Variants in HECW1 observed in about 807,000 individuals in gnomAD.
HECW1 encodes HECT, C2 and WW domain containing E3 ubiquitin protein ligase 1, also known as E3 ubiquitin-protein ligase HECW1.
In HECW1, 61 loss-of-function variants were observed where a neutral mutation model predicts 182.3. The ratio of observed to expected loss-of-function variants is 0.33; its 90% CI spans 0.27 to 0.41. HECW1 has a LOEUF of 0.41. HECW1 is among the 10% of genes least tolerant of loss of function. HECW1 has a pLI of 1.00. For synonymous variants in HECW1, 859 were observed against 832.6 expected, an observed-to-expected ratio of 1.03 and a Z score of -0.55; for missense variants, 1,739 against 2,108.9, an observed-to-expected ratio of 0.82 and a Z score of 3.44.
chr7:43,305,125 C>T (rs1338764657), intron 3 of HECW1, among the ~76,000 whole-genome samples: 5 of 152,284 alleles, frequency 3.3e-5, no homozygotes, highest in South Asian at 2.1e-4. Context: ...ACAGCACAGT[C>T]GCTCAGTCCC....
chr7:43,251,178 G>A lies in HECW1; in HGVS notation c.27+7246G>A, dbSNP rs565016409. On this transcript the variant is annotated intron_variant, in intron 3 of 29. Coordinates refer to ENST00000395891, the MANE Select transcript of HECW1 (RefSeq NM_015052.5). ...GGGTGGTGAAGGTGCCAAGCTATCA[G>A]AGTCCCAGGCCAAGTCACAGAAGCT... 1.3e-3 allele frequency among the ~76,000 whole-genome samples: 197 copies of A among 152,340 alleles called. 7 individuals carry two copies. The South Asian group carries it at 0.039, about 30-fold the overall frequency.
intron 3 of HECW1, chr7:43,249,564 T>C (rs1234856078): frequency 1.3e-5 from 2 of 152,246 alleles, no homozygotes; most frequent in Non-Finnish European, 2.9e-5. Context: ...TATTTCTGTC[T>C]AGAAAAGGAG....
At position 43,562,657 on chromosome 7, in the gene HECW1, G is replaced by A. The variant is rs2082239821; in HGVS notation, c.*731G>A. Reference sequence around the variant, plus strand: ...GGATTGTGGGCTCAACTCAAGAGAAGTTTAGGAGGGGGAGCATCCCTAGTG... The same window carrying A: ...GGATTGTGGGCTCAACTCAAGAGAAATTTAGGAGGGGGAGCATCCCTAGTG... On this transcript the variant is annotated 3_prime_UTR_variant, in exon 30 of 30. Coordinates refer to ENST00000395891, the MANE Select transcript of HECW1 (RefSeq NM_015052.5). 1 of 225,938 alleles carries A rather than the reference G, an allele frequency of 4.4e-6. No homozygotes were observed. Among genetic ancestry groups the A allele is most frequent in the Admixed American group, 5.7e-5 (1 of 17,500 alleles). 14.0% of individuals were successfully genotyped at this position (225,938 alleles called of 1,614,324 possible). A position where few individuals can be genotyped will look rare whatever the true frequency, so the allele number is the denominator to read the frequency against.
chr7:43,182,529 C>T (rs140008624), intron 2 of HECW1, among the ~76,000 whole-genome samples: 147 of 152,324 alleles, frequency 9.7e-4, no homozygotes, highest in African/African-American at 3.5e-3. Context: ...GTTTTTATGC[C>T]AGTACCATGC....
intron 27 of HECW1, among the ~76,000 whole-genome samples, chr7:43,551,298 C>T (rs2081817257): frequency 6.6e-6 from 1 of 152,030 alleles, no homozygotes; most frequent in Non-Finnish European, 1.5e-5. Flanking sequence ...ACAAGTCTTC[C>T]CAGATCTCTA....
chr7:43,155,492 A>G (rs1227133463), intron 2 of HECW1, among the ~76,000 whole-genome samples: 1 of 152,222 alleles, frequency 6.6e-6, no homozygotes, highest in Non-Finnish European at 1.5e-5. Context: ...TCTTATAAGG[A>G]AATTGAGTTT....
intron 13 of HECW1, among the ~76,000 whole-genome samples, chr7:43,457,061 GT>G (rs1181679458): frequency 1.3e-5 from 2 of 152,290 alleles, no homozygotes; most frequent in East Asian, 3.9e-4. Context: ...GAATTATTTT[GT>G]TGAAAAACTA....
At chr7:43,447,864 G>A (rs900086357) in intron 11 of HECW1, among the ~76,000 whole-genome samples, 2 of 152,128 alleles carry the variant, frequency 1.3e-5, no homozygotes, top group Non-Finnish European at 2.9e-5. Flanking sequence ...GTGGGCTCAC[G>A]CCTGTAATCC....
At chr7:43,535,715 A>T (rs1374586510) in intron 24 of HECW1, among the ~76,000 whole-genome samples, 1 of 152,230 alleles carries the variant, frequency 6.6e-6, no homozygotes, top group African/African-American at 2.4e-5. Flanking sequence ...TGGTGGGAAC[A>T]TGATGGCACA....
intron 11 of HECW1, among the ~76,000 whole-genome samples, chr7:43,447,586 C>T (rs977511333): frequency 6.6e-6 from 1 of 152,196 alleles, no homozygotes; most frequent in African/African-American, 2.4e-5. Context: ...CATGCACACG[C>T]TGGCATGTGA....
intron 19 of HECW1, among the ~76,000 whole-genome samples, chr7:43,496,204 G>A (rs547023698): frequency 6.7e-6 from 1 of 150,288 alleles, no homozygotes; most frequent in Non-Finnish European, 1.5e-5. Context: ...TATCTAGTAT[G>A]GAAACTAATA....
intron 8 of HECW1, among the ~76,000 whole-genome samples, chr7:43,427,065 GCTCT>G (rs1017472888): frequency 9.2e-5 from 14 of 151,828 alleles, no homozygotes; most frequent in Admixed American, 2.6e-4. Context: ...TGGTTGCTAA[GCTCT>G]CTAAGTCTTT....
chr7:43,529,939 C>CT (rs2080913036), intron 24 of HECW1, among the ~76,000 whole-genome samples: 1 of 150,792 alleles, frequency 6.6e-6, no homozygotes. Context: ...CCACTTTTTA[C>CT]TTTTTTTATT....
intron 2 of HECW1, among the ~76,000 whole-genome samples, chr7:43,115,124 G>A (rs778035373): frequency 2.0e-5 from 3 of 152,190 alleles, no homozygotes; most frequent in Non-Finnish European, 2.9e-5. Flanking sequence ...GTAACTGACA[G>A]AGGAGTAAGA....
chr7:43,524,953 G>A (rs1017311389), intron 24 of HECW1, among the ~76,000 whole-genome samples: 6 of 152,172 alleles, frequency 3.9e-5, no homozygotes, highest in East Asian at 1.9e-4. Flanking sequence ...AGGTTTTCAC[G>A]AGAATCAGCG....
chr7:43,398,760 T>G (rs1045026671), intron 7 of HECW1, among the ~76,000 whole-genome samples: 2 of 152,124 alleles, frequency 1.3e-5, no homozygotes, highest in African/African-American at 4.8e-5. Context: ...GACCAGAGTT[T>G]TAGTATCACT....
intron 6 of HECW1, among the ~76,000 whole-genome samples, chr7:43,382,894 A>G (rs7779274): frequency 0.21 from 32,366 of 152,028 alleles, 3,581 homozygotes; most frequent in Middle Eastern, 0.33. Context: ...TAAGCCCCAC[A>G]TGCATTAGGG....
chr7:43,183,202 A>C (rs7783044), intron 2 of HECW1, among the ~76,000 whole-genome samples: 36,565 of 151,988 alleles, frequency 0.24, 4,550 homozygotes, highest in Middle Eastern at 0.27. Context: ...TACTTAGGTT[A>C]TAACTGAGTT....
chr7:43,322,163 G>A (rs1199920399), intron 5 of HECW1, among the ~76,000 whole-genome samples: 4 of 152,106 alleles, frequency 2.6e-5, no homozygotes, highest in South Asian at 2.1e-4. Context: ...TCCGCCTCCC[G>A]GGTTCAAGCG....
Sources: gnomAD v4.1 joint callset for allele counts (sites outside exome capture counted in the v4.1 genomes callset) on GRCh38, gnomAD v4.1.1 for gene constraint, MANE v1.5 for transcripts, NCBI Gene and HGNC (gene_info 2026-07-23, HGNC 2026-07-21) for gene names.